Variants in FNBP1 observed in about 807,000 individuals in gnomAD.
FNBP1 encodes formin binding protein 1.
In FNBP1, 26 loss-of-function variants were observed where a neutral mutation model predicts 90.6. That is an observed-to-expected ratio of 0.29 (90% CI 0.21 to 0.40). FNBP1 has a LOEUF of 0.40. Among genes scored for constraint, FNBP1 ranks in the 10% least tolerant of loss-of-function variants. The pLI is 1.00. For synonymous variants in FNBP1, 260 were observed against 265.2 expected (o/e 0.98, Z 0.19); for missense variants, 635 against 768.0 (o/e 0.83, Z 2.05).
intron 15 of FNBP1, among the ~76,000 whole-genome samples, chr9:129,897,081 T>C (rs1384256461): frequency 6.6e-6 from 1 of 152,214 alleles, no homozygotes; most frequent in Non-Finnish European, 1.5e-5. Context: ...CTGGATTCAC[T>C]GTTCTTCCTC....
At chr9:129,974,949 T>C in intron 4 of FNBP1, among the ~76,000 whole-genome samples, 1 of 151,544 alleles carries the variant, frequency 6.6e-6, no homozygotes, top group Non-Finnish European at 1.5e-5. Flanking sequence ...TCAGGTGCAG[T>C]GGCTCACGCC....
At chr9:130,015,828 C>T (rs2057176259) in intron 1 of FNBP1, among the ~76,000 whole-genome samples, 1 of 152,110 alleles carries the variant, frequency 6.6e-6, no homozygotes, top group Admixed American at 6.6e-5. Flanking sequence ...GCGCAAGCCA[C>T]CATGCCTGGC....
chr9:129,942,046 G>A (rs555389320), intron 6 of FNBP1, among the ~76,000 whole-genome samples: 21 of 151,756 alleles, frequency 1.4e-4, no homozygotes, highest in African/African-American at 5.1e-4. Context: ...ACTCCAGCCT[G>A]GGAGACAGTG....
chr9:129,948,308 AATTT>A, intron 6 of FNBP1, among the ~76,000 whole-genome samples: 1 of 149,532 alleles, frequency 6.7e-6, no homozygotes, highest in South Asian at 2.1e-4. Flanking sequence ...TATTTAATTT[AATTT>A]ATTTGTCTGT....
chr9:129,973,655 C>A, intron 4 of FNBP1, among the ~76,000 whole-genome samples: 1 of 151,006 alleles, frequency 6.6e-6, no homozygotes, highest in East Asian at 1.9e-4. Flanking sequence ...CGCCCGCCAC[C>A]ATGCCCGGCT....
At chr9:129,984,743 G>A (rs1204336739) in intron 2 of FNBP1, among the ~76,000 whole-genome samples, 8 of 152,044 alleles carry the variant, frequency 5.3e-5, no homozygotes, top group African/African-American at 1.2e-4. Context: ...GGGGGGGGCC[G>A]GTCTTTCCCG....
In FNBP1 at chr9:129,887,449, T is replaced by C. The variant is rs958782908; in HGVS notation, c.*3090A>G. The C allele has an allele frequency of 5.0e-6, 1 of 200,988 alleles. No individual in the cohort carries two copies. The highest frequency in any genetic ancestry group is 7.7e-5 in the East Asian group (1 of 13,048). The allele number at this position is 200,988 out of a possible 1,614,324, so 12.5% of individuals were successfully genotyped here. A position where few individuals can be genotyped will look rare whatever the true frequency, so the allele number is the denominator to read the frequency against. ...ACCTTTTTAAAAAGTTTTTGGATGA[T>C]ATAAGCACAGGAGGCAGAGCCAATA... On this transcript the variant is annotated 3_prime_UTR_variant, in exon 17 of 17. Transcript: ENST00000446176.
At chr9:130,000,271 G>T (rs567712370) in intron 1 of FNBP1, among the ~76,000 whole-genome samples, 1 of 152,076 alleles carries the variant, frequency 6.6e-6, no homozygotes, top group Non-Finnish European at 1.5e-5. Context: ...CAGGCGGGTC[G>T]TCTGAGGTTA....
chr9:129,923,926 T>G lies in FNBP1; in HGVS notation c.1088A>C (p.Gln363Pro). Residue 363 changes from glutamine to proline, a missense_variant, in exon 10 of 17, where the codon CAA becomes CCA. By Grantham distance (76) the Gln-to-Pro change is moderately conservative. Coordinates refer to ENST00000446176, the MANE Select transcript of FNBP1 (RefSeq NM_015033.3). ...VPNGPQSPKQ[Q>P]KEPLSHRFNE... The stretch of plus-strand genomic sequence containing the variant: ...GAAGCGATGGGAGAGGGGTTCCTTT[T>G]GCTGCTTGGGAGACTGGGGGCCGTT... 1 of 1,578,638 alleles carries G rather than the reference T, an allele frequency of 6.3e-7. No individual in the cohort carries two copies. Among genetic ancestry groups the G allele is most frequent in the East Asian group, 2.4e-5 (1 of 42,240 alleles).
chr9:129,923,705 G>GT (rs1304998991), intron 10 of FNBP1, 139 bp downstream of exon 10: 8 of 938,514 alleles, frequency 8.5e-6, no homozygotes, highest in South Asian at 2.7e-5. Flanking sequence ...AGCTATAATG[G>GT]TTTTTGTTTT....
chr9:129,906,968 T>C (rs932321673), intron 12 of FNBP1, among the ~76,000 whole-genome samples: 8 of 152,116 alleles, frequency 5.3e-5, no homozygotes, highest in Admixed American at 3.3e-4. Context: ...TTAGTAGAGA[T>C]GGGGTTTCAC....
At chr9:129,987,833 C>T (rs1316723539) in intron 2 of FNBP1, among the ~76,000 whole-genome samples, 1 of 152,012 alleles carries the variant, frequency 6.6e-6, no homozygotes, top group Admixed American at 6.6e-5. Context: ...TAGCGCATCC[C>T]TCAGTTTCAC....
At chr9:129,962,430 T>C (rs1341861758) in intron 4 of FNBP1, among the ~76,000 whole-genome samples, 1 of 152,074 alleles carries the variant, frequency 6.6e-6, no homozygotes, top group African/African-American at 2.4e-5. Context: ...GCAGAGAAGG[T>C]CAGGTGAAGG....
intron 11 of FNBP1, 80 bp from the exon 12 acceptor site, chr9:129,909,079 A>G (rs564344791): frequency 4.7e-6 from 4 of 846,336 alleles, no homozygotes; most frequent in African/African-American, 4.8e-5. Context: ...GCCTGCAGCC[A>G]TGGGGGGTGC....
At chr9:129,894,426 C>T (rs2035435454) in intron 16 of FNBP1, among the ~76,000 whole-genome samples, 1 of 151,946 alleles carries the variant, frequency 6.6e-6, no homozygotes, top group Non-Finnish European at 1.5e-5. Flanking sequence ...ATAAAATGAG[C>T]CAGAAATTCT....
At chr9:129,988,034 T>C (rs192899027) in intron 2 of FNBP1, among the ~76,000 whole-genome samples, 9 of 152,154 alleles carry the variant, frequency 5.9e-5, no homozygotes, top group Non-Finnish European at 5.9e-5. Flanking sequence ...TATCAAAAGA[T>C]GTTCAACCCC....
At chr9:130,024,146 CTGT>C (rs2058116007) in intron 1 of FNBP1, among the ~76,000 whole-genome samples, 1 of 152,100 alleles carries the variant, frequency 6.6e-6, no homozygotes, top group Non-Finnish European at 1.5e-5. Context: ...TGGCTCATGC[CTGT>C]AAGTAATCCC....
intron 3 of FNBP1, among the ~76,000 whole-genome samples, 179 bp from the exon 4 acceptor site, chr9:129,978,791 T>C (rs2130896583): frequency 6.6e-6 from 1 of 152,320 alleles, no homozygotes; most frequent in East Asian, 1.9e-4. Context: ...TAATTACAAT[T>C]GAAACACTTT....
rs541613536 is a variant in FNBP1, at chr9:129,900,029, G to A, written c.1623C>T (p.Asp541=). 8.7e-6 allele frequency: 14 copies of A among 1,613,408 alleles called. 1 individual carries two copies. The highest frequency in any genetic ancestry group is 6.6e-5 in the South Asian group (6 of 90,990). ...GGAGGGGCTCCTCATCATCAAACTC[G>A]TCGTCAAAATCCGTGGCCAGCACCT... ...EMKVLATDFD[D]EFDDEEPLPA... Residue 541 remains aspartate, a synonymous_variant, in exon 15 of 17, where the codon GAC becomes GAT. Transcript: ENST00000446176. This position sits in a 1 kb window ranked among gnomAD's most constrained non-coding sequence, Gnocchi z 4.1.
Sources: gnomAD v4.1 joint callset for allele counts (sites outside exome capture counted in the v4.1 genomes callset) on GRCh38, gnomAD v4.1.1 for gene constraint, Gnocchi (gnomAD v3.1) non-coding constraint, MANE v1.5 for transcripts, NCBI Gene and HGNC (gene_info 2026-07-23, HGNC 2026-07-21) for gene names.